The following TLK2 variants were observed in gnomAD, a reference collection of about 807,000 sequenced individuals.
The protein encoded by TLK2 is serine/threonine-protein kinase tousled-like 2.
Under a neutral mutation model 117.3 loss-of-function variants are expected in TLK2, and 6 were observed. That is an observed-to-expected ratio of 0.05 (90% CI 0.03 to 0.10). The LOEUF is 0.10. Ranked by LOEUF, TLK2 falls within the 10% of genes least tolerant of loss-of-function variation. TLK2 has a pLI of 1.00. For missense variants in TLK2, 299 were observed against 901.2 expected (o/e 0.33, Z 8.56); for synonymous variants, 257 against 316.7 (o/e 0.81, Z 2.00).
Position 62,614,300 on chromosome 17 carries a change from A to G in TLK2, c.*1735A>G, listed in dbSNP as rs949513359. On this transcript the variant is annotated 3_prime_UTR_variant, in exon 22 of 22. Coordinates refer to ENST00000346027, the MANE Select transcript of TLK2 (RefSeq NM_006852.6). ...TTGAAACAGCAGAGCACTCCTCAGT[A>G]GAGAGGGAGGGAGCCAAGAGCCTGA... 9.2e-5 allele frequency: 14 copies of G among 152,178 alleles called. No homozygotes were observed. The highest frequency in any genetic ancestry group is 3.4e-4 in the African/African-American group (14 of 41,436). 9.4% of individuals were successfully genotyped at this position (152,178 alleles called of 1,614,324 possible).
intron 7 of TLK2, among the ~76,000 whole-genome samples, chr17:62,543,324 A>G (rs1172671730): frequency 6.6e-6 from 1 of 152,186 alleles, no homozygotes; most frequent in Non-Finnish European, 1.5e-5. Context: ...ATTCATGTAT[A>G]AGACTTTGTG....
At chr17:62,595,258 GGCATGAGCTGCCGT>G (rs1444417224) in intron 16 of TLK2, among the ~76,000 whole-genome samples, 1 of 151,294 alleles carries the variant, frequency 6.6e-6, no homozygotes, top group East Asian at 1.9e-4. Flanking sequence ...TGGGATTACA[GGCATGAGCTGCCGT>G]GCCTGGCCCC....
intron 16 of TLK2, among the ~76,000 whole-genome samples, chr17:62,589,727 G>A (rs183560990): frequency 7.9e-5 from 12 of 152,252 alleles, no homozygotes; most frequent in Non-Finnish European, 1.5e-4. Context: ...AGGGTAGAGC[G>A]CTATACATTT....
At chr17:62,546,053 TG>T (rs1464324251) in intron 7 of TLK2, among the ~76,000 whole-genome samples, 1 of 152,178 alleles carries the variant, frequency 6.6e-6, no homozygotes, top group Non-Finnish European at 1.5e-5. Flanking sequence ...GGCTAATTTT[TG>T]TATCTTTAGT....
chr17:62,511,236 G>T (rs2075120164), intron 2 of TLK2, among the ~76,000 whole-genome samples: 1 of 152,128 alleles, frequency 6.6e-6, no homozygotes, highest in Non-Finnish European at 1.5e-5. Context: ...TTCATCATAA[G>T]GCTCTTTCCT....
intron 7 of TLK2, among the ~76,000 whole-genome samples, chr17:62,539,536 G>T (rs2077359419): frequency 6.8e-6 from 1 of 146,194 alleles, no homozygotes; most frequent in Admixed American, 7.0e-5. Context: ...CTGGAGTGCA[G>T]TGGTGCAATC....
intron 2 of TLK2, among the ~76,000 whole-genome samples, chr17:62,519,108 C>T (rs2075847565): frequency 6.6e-6 from 1 of 152,186 alleles, no homozygotes; most frequent in African/African-American, 2.4e-5. Flanking sequence ...TGGTCTCTAA[C>T]TCCTGAGCTC....
At chr17:62,553,566 C>CTTT (rs1386965210) in intron 8 of TLK2, 97 bp from the exon 9 acceptor site, 2 of 833,912 alleles carry the variant, frequency 2.4e-6, no homozygotes, top group Non-Finnish European at 4.0e-6. Flanking sequence ...TGAGCAAGTG[C>CTTT]TTTTTCCCAC....
rs7218842 is a variant in TLK2 at position 62,601,961 on chromosome 17, C to G, written c.1721-81C>G. 1.2e-3 allele frequency: 1,499 copies of G among 1,269,956 alleles called. 18 individuals carry two copies. The African/African-American group carries it at 0.02, about 17-fold the overall frequency. 78.7% of individuals were successfully genotyped at this position (1,269,956 alleles called of 1,614,324 possible). A position where few individuals can be genotyped will look rare whatever the true frequency, so the allele number is the denominator to read the frequency against. On this transcript the variant is annotated intron_variant, in intron 18 of 21. Coordinates refer to ENST00000346027, the MANE Select transcript of TLK2 (RefSeq NM_006852.6). ...TTGCAAGAGTTTGAGTTCAGTTGTC[C>G]CCTTCTTATCTGCTATTACTTTGGG...
At chr17:62,517,371 C>CT (rs2075682722) in intron 2 of TLK2, among the ~76,000 whole-genome samples, 1 of 152,032 alleles carries the variant, frequency 6.6e-6, no homozygotes, top group African/African-American at 2.4e-5. Flanking sequence ...ATTACTATAG[C>CT]TTTGTAATTT....
chr17:62,562,964 CAG>C (rs1344361896), intron 10 of TLK2, among the ~76,000 whole-genome samples: 1 of 152,028 alleles, frequency 6.6e-6, no homozygotes, highest in Non-Finnish European at 1.5e-5. Flanking sequence ...TTTTTAAAAA[CAG>C]AAGAAAGTAA....
chr17:62,495,852 C>T (rs913820850), intron 2 of TLK2, among the ~76,000 whole-genome samples: 6 of 150,904 alleles, frequency 4.0e-5, no homozygotes, highest in Non-Finnish European at 5.9e-5. Context: ...TTAGTAGAGA[C>T]GGGGTTTCAC....
rs143548926 is a variant in TLK2 at position 62,495,653 on chromosome 17, T to TTATATATATA, written c.81+14459_81+14468dup. 3.8e-3 allele frequency among the ~76,000 whole-genome samples: 520 copies of TTATATATATA among 137,890 alleles called. 3 individuals carry two copies. Among genetic ancestry groups the TTATATATATA allele is most frequent in the African/African-American group, 0.012 (463 of 37,698 alleles). 90.5% of individuals were successfully genotyped at this position (137,890 alleles called of 152,430 possible). A position where few individuals can be genotyped will look rare whatever the true frequency, so the allele number is the denominator to read the frequency against. On this transcript the variant is annotated intron_variant, in intron 2 of 21. Transcript: ENST00000346027. ...GGTATGTGGTAAAAAATTTTAAAAA[T>TTATATATATA]TATATATATATATATATATATTGGA...
Position 62,608,014 on chromosome 17 carries a change from C to G in TLK2, c.1972-27C>G, listed in dbSNP as rs759008598. 7 of 1,580,148 alleles carry G rather than the reference C, an allele frequency of 4.4e-6. No individual in the cohort carries two copies. The Admixed American group carries it at 8.8e-5, about 20-fold the overall frequency. ...CTCTATAATTTTCATCAGAGGCCTA[C>G]ATTATTTGTTTGTTTTTATGTGACA... On this transcript the variant is annotated intron_variant, in intron 20 of 21. Transcript: ENST00000346027.
Position 62,564,890 on chromosome 17 carries a change from A to G in TLK2, c.832-111A>G, listed in dbSNP as rs1598618540. 5.9e-6 allele frequency: 8 copies of G among 1,359,080 alleles called. No individual in the cohort carries two copies. In the South Asian group the frequency reaches 6.1e-5, roughly 10 times the overall value. 84.2% of individuals were successfully genotyped at this position (1,359,080 alleles called of 1,614,324 possible). A position where few individuals can be genotyped will look rare whatever the true frequency, so the allele number is the denominator to read the frequency against. ...CATTACTGACTGTTCTGAGAAGTGT[A>G]TGGTTTTCAATAATATGTTTCCTGA... On this transcript the variant is annotated intron_variant, in intron 10 of 21. Coordinates refer to ENST00000346027, the MANE Select transcript of TLK2 (RefSeq NM_006852.6).
At chr17:62,584,099 CT>C (rs2081415249) in intron 15 of TLK2, among the ~76,000 whole-genome samples, 1 of 105,476 alleles carries the variant, frequency 9.5e-6, no homozygotes, top group Non-Finnish European at 2.0e-5. Flanking sequence ...ATGTTTTTTT[CT>C]TTTGTGGTTT....
At chr17:62,490,050 G>A (rs1356465283) in intron 2 of TLK2, among the ~76,000 whole-genome samples, 1 of 152,144 alleles carries the variant, frequency 6.6e-6, no homozygotes. Context: ...GGCTGGTCTT[G>A]AACTCCTGAC....
chr17:62,536,296 C>T lies in TLK2; in HGVS notation c.490C>T (p.Leu164=). ...LAKPRLDTEQ[L]AQRGAGLCFT... ...AAAACCTCGGCTTGACACAGAGCAG[C>T]TGGCGCAAAGGGGAGCTGGCCTCTG... Residue 164 remains leucine (L), a synonymous_variant, in exon 7 of 22, where the codon CTG becomes TTG. Coordinates refer to ENST00000346027, the MANE Select transcript of TLK2 (RefSeq NM_006852.6). 1 of 1,613,400 alleles carries T rather than the reference C, an allele frequency of 6.2e-7. No homozygotes were observed. The highest frequency in any genetic ancestry group is 2.2e-5 in the East Asian group (1 of 44,862).
At chr17:62,487,850 C>T (rs71375854) in intron 2 of TLK2, among the ~76,000 whole-genome samples, 50,454 of 151,606 alleles carry the variant, frequency 0.33, 8,608 homozygotes, top group Admixed American at 0.4. Flanking sequence ...CTTGAACTTC[C>T]GACCTCAAGT....
Sources: gnomAD v4.1 joint callset for allele counts (sites outside exome capture counted in the v4.1 genomes callset) on GRCh38, gnomAD v4.1.1 for gene constraint, MANE v1.5 for transcripts, NCBI Gene and HGNC (gene_info 2026-07-23, HGNC 2026-07-21) for gene names.